PRP4K: variants seen among roughly 807,000 people sequenced by gnomAD.
PRP4K encodes the protein pre-mRNA processing factor kinase PRP4K, also known as serine/threonine-protein kinase PRP4 homolog.
the PRP4K span, among the ~76,000 whole-genome samples, chr6:4,044,793 G>A: frequency 6.6e-6 from 1 of 151,714 alleles, no homozygotes; most frequent in South Asian, 2.1e-4. Context: ...TTCCTTTACA[G>A]TTCCATATAG....
chr6:4,034,072 C>G, the PRP4K span, among the ~76,000 whole-genome samples: 2 of 152,000 alleles, frequency 1.3e-5, no homozygotes, highest in Non-Finnish European at 2.9e-5. Context: ...AATTGTCTCC[C>G]TTTTCATTTC....
At chr6:4,041,733 G>T in the PRP4K span, among the ~76,000 whole-genome samples, 1 of 151,962 alleles carries the variant, frequency 6.6e-6, no homozygotes, top group South Asian at 2.1e-4. Flanking sequence ...CAATGCACAG[G>T]ATAACCCCCC....
chr6:4,037,472 A>C, the PRP4K span: 4 of 1,614,098 alleles, frequency 2.5e-6, no homozygotes, highest in South Asian at 4.4e-5. Context: ...GATGGTCTCC[A>C]ACCCGAAGAA....
chr6:4,054,739 C>G, the PRP4K span, among the ~76,000 whole-genome samples: 1 of 152,062 alleles, frequency 6.6e-6, no homozygotes, highest in African/African-American at 2.4e-5. Flanking sequence ...CTCCTAACCT[C>G]GTGATCTGCC....
At chr6:4,031,427 T>A in the PRP4K span, 1 of 641,818 alleles carries the variant, frequency 1.6e-6, no homozygotes, top group South Asian at 2.7e-5. Context: ...TCTGAAGCTG[T>A]TCTGAAAAAA....
chr6:4,050,359 T>C, the PRP4K span: 1 of 802,024 alleles, frequency 1.2e-6, no homozygotes, highest in Non-Finnish European at 1.9e-6. Flanking sequence ...ATTTTAAAAT[T>C]ATAGCCATAT....
chr6:4,025,949 G>A, the PRP4K span, among the ~76,000 whole-genome samples: 1 of 152,194 alleles, frequency 6.6e-6, no homozygotes, highest in Non-Finnish European at 1.5e-5. Context: ...TAACTTTCAA[G>A]TTCTAAGAGT....
the PRP4K span, among the ~76,000 whole-genome samples, chr6:4,053,798 C>T: frequency 6.6e-6 from 1 of 152,080 alleles, no homozygotes; most frequent in Non-Finnish European, 1.5e-5. Context: ...ACAGTTGATG[C>T]CTAGGAGAGA....
At chr6:4,052,204 T>C in the PRP4K span, 1 of 1,228,780 alleles carries the variant, frequency 8.1e-7, no homozygotes, top group Non-Finnish European at 1.1e-6. Flanking sequence ...ATTTGTTTTA[T>C]CCACACAGCT....
At chr6:4,044,346 A>G in the PRP4K span, 5 of 229,344 alleles carry the variant, frequency 2.2e-5, no homozygotes, top group Non-Finnish European at 4.3e-5. Flanking sequence ...AGTTAAGAAC[A>G]TTAATGTTTT....
chr6:4,059,253 G>T, the PRP4K span, among the ~76,000 whole-genome samples: 1 of 152,146 alleles, frequency 6.6e-6, no homozygotes, highest in Non-Finnish European at 1.5e-5. Context: ...CCTCTCTTCA[G>T]TACATTCAGA....
At chr6:4,058,935 C>T in the PRP4K span, 5 of 680,280 alleles carry the variant, frequency 7.3e-6, no homozygotes, top group South Asian at 4.4e-5. Flanking sequence ...TTTTTGCTGT[C>T]GACCAATTCC....
the PRP4K span, among the ~76,000 whole-genome samples, chr6:4,054,318 T>G: frequency 1.3e-5 from 2 of 152,192 alleles, no homozygotes; most frequent in African/African-American, 4.8e-5. Context: ...TCTTAAAATA[T>G]TTCCTTTATT....
chr6:4,037,238 T>C, the PRP4K span, among the ~76,000 whole-genome samples: 1 of 152,194 alleles, frequency 6.6e-6, no homozygotes, highest in East Asian at 1.9e-4. Context: ...CACCAAAATA[T>C]CACTGTAGTC....
chr6:4,043,643 T>C, the PRP4K span, among the ~76,000 whole-genome samples: 1 of 152,184 alleles, frequency 6.6e-6, no homozygotes, highest in Non-Finnish European at 1.5e-5. Flanking sequence ...TTTGTGAATT[T>C]AGAAATTACA....
the PRP4K span, chr6:4,049,719 T>C: frequency 6.2e-7 from 1 of 1,602,164 alleles, no homozygotes; most frequent in South Asian, 1.1e-5. Flanking sequence ...AATTTTTCAA[T>C]TTGCCTTTTT....
the PRP4K span, among the ~76,000 whole-genome samples, chr6:4,048,303 C>T: frequency 6.7e-6 from 1 of 150,190 alleles, no homozygotes; most frequent in East Asian, 2.0e-4. Flanking sequence ...GGCATGAACC[C>T]GAGAGGCGGA....
the PRP4K span, chr6:4,052,226 T>C: frequency 9.3e-7 from 1 of 1,079,134 alleles, no homozygotes; most frequent in Non-Finnish European, 1.3e-6. Context: ...TGGTTTTTGT[T>C]TTTAACTTGT....
the PRP4K span, among the ~76,000 whole-genome samples, chr6:4,026,511 C>T: frequency 6.6e-6 from 1 of 152,032 alleles, no homozygotes; most frequent in Non-Finnish European, 1.5e-5. Flanking sequence ...CCATGTTGGC[C>T]AGGCTGGTCT....
Sources: gnomAD v4.1 joint callset for allele counts (sites outside exome capture counted in the v4.1 genomes callset) on GRCh38, gnomAD v4.1.1 for gene constraint, MANE v1.5 for transcripts, NCBI Gene and HGNC (gene_info 2026-07-23, HGNC 2026-07-21) for gene names.